Variants in CELF4 observed in about 807,000 individuals in gnomAD.
CELF4 encodes CUG-BP- and ETR-3-like factor 4.
CELF4 carries 18 observed loss-of-function variants against 59.9 expected under a neutral mutation model. That is an observed-to-expected ratio of 0.30 (90% CI 0.21 to 0.45). The LOEUF (loss-of-function observed/expected upper bound fraction) is 0.45, where lower values mean the gene tolerates loss of function less well. Ranked by LOEUF, CELF4 falls within the 20% of genes least tolerant of loss-of-function variation. The probability of loss-of-function intolerance (pLI) is 1.00; values close to 1 mark genes in which losing one functional copy is unlikely to be tolerated. For missense variants in CELF4, 456 were observed against 689.0 expected, an observed-to-expected ratio of 0.66 and a Z score of 3.79; for synonymous variants, 261 against 267.1, an observed-to-expected ratio of 0.98 and a Z score of 0.22.
At chr18:37,336,129 C>A (rs1569565941) in intron 2 of CELF4, among the ~76,000 whole-genome samples, 1 of 152,218 alleles carries the variant, frequency 6.6e-6, no homozygotes, top group Non-Finnish European at 1.5e-5. Flanking sequence ...GTCTGCTGGC[C>A]ACATGCCCCA....
At chr18:37,342,887 C>T (rs570223128) in intron 2 of CELF4, among the ~76,000 whole-genome samples, 10 of 152,326 alleles carry the variant, frequency 6.6e-5, no homozygotes, top group African/African-American at 2.2e-4. Flanking sequence ...GGTGGTGTCC[C>T]CCCCAACCCC....
At chr18:37,427,126 C>T (rs1004528609) in intron 2 of CELF4, among the ~76,000 whole-genome samples, 1 of 152,128 alleles carries the variant, frequency 6.6e-6, no homozygotes, top group African/African-American at 2.4e-5. Context: ...GAAGAAGGCC[C>T]TTGTTCAAAT....
intron 1 of CELF4, among the ~76,000 whole-genome samples, chr18:37,553,106 A>G (rs1568201017): frequency 6.6e-6 from 1 of 152,204 alleles, no homozygotes; most frequent in Non-Finnish European, 1.5e-5. Flanking sequence ...AACAGAATTT[A>G]CTCTAAAATA....
intron 2 of CELF4, among the ~76,000 whole-genome samples, chr18:37,422,843 C>T (rs2099586600): frequency 6.6e-6 from 1 of 152,156 alleles, no homozygotes; most frequent in South Asian, 2.1e-4. Context: ...TGAAGTCATC[C>T]CTCGTCCTAT....
At chr18:37,419,626 T>C (rs569056226) in intron 2 of CELF4, among the ~76,000 whole-genome samples, 69 of 152,096 alleles carry the variant, frequency 4.5e-4, no homozygotes, top group Non-Finnish European at 8.4e-4. Context: ...TCTCCTATGC[T>C]GGTCAGGTGG....
intron 2 of CELF4, among the ~76,000 whole-genome samples, chr18:37,480,198 G>C (rs2099862516): frequency 6.6e-6 from 1 of 152,224 alleles, no homozygotes; most frequent in Admixed American, 6.5e-5. Flanking sequence ...AACTGGAAGA[G>C]TGTGTGGATC....
intron 12 of CELF4, among the ~76,000 whole-genome samples, chr18:37,248,769 G>T (rs1239156720): frequency 6.6e-6 from 1 of 152,098 alleles, no homozygotes; most frequent in Non-Finnish European, 1.5e-5. Context: ...CTGCACCTGG[G>T]CCCCTTTGGG....
At chr18:37,339,549 T>C (rs1055741057) in intron 2 of CELF4, among the ~76,000 whole-genome samples, 16 of 152,012 alleles carry the variant, frequency 1.1e-4, no homozygotes, top group African/African-American at 3.1e-4. Flanking sequence ...TGGTCAGTAG[T>C]TTGAGACCAG....
intron 1 of CELF4, among the ~76,000 whole-genome samples, chr18:37,530,943 G>T (rs1242466572): frequency 6.6e-6 from 1 of 152,056 alleles, no homozygotes; most frequent in East Asian, 1.9e-4. Context: ...TCCAGGTCGT[G>T]GAACCCTGAT....
At chr18:37,263,183 T>C (rs1411116441) in intron 10 of CELF4, among the ~76,000 whole-genome samples, 1 of 152,054 alleles carries the variant, frequency 6.6e-6, no homozygotes, top group Non-Finnish European at 1.5e-5. Context: ...ACACTGAGGC[T>C]GAGGGGATAG....
chr18:37,546,428 A>G (rs2099981441), intron 1 of CELF4, among the ~76,000 whole-genome samples: 1 of 152,164 alleles, frequency 6.6e-6, no homozygotes, highest in Non-Finnish European at 1.5e-5. Context: ...GCAGCTGCAG[A>G]GTAAAAGGCT....
chr18:37,442,854 C>T (rs2099736701), intron 2 of CELF4, among the ~76,000 whole-genome samples: 1 of 152,164 alleles, frequency 6.6e-6, no homozygotes, highest in Non-Finnish European at 1.5e-5. Context: ...CATAATCTCC[C>T]CCTCTCCGTC....
At chr18:37,315,352 G>T (rs77968148) in intron 3 of CELF4, among the ~76,000 whole-genome samples, 32,269 of 151,930 alleles carry the variant, frequency 0.21, 3,460 homozygotes, top group Non-Finnish European at 0.22. Flanking sequence ...AGCCCCTAGG[G>T]AGTCCTCAAG....
chr18:37,329,168 C>A (rs2097441335), intron 2 of CELF4, among the ~76,000 whole-genome samples: 1 of 152,194 alleles, frequency 6.6e-6, no homozygotes, highest in Non-Finnish European at 1.5e-5. Flanking sequence ...GTGGCTTATG[C>A]CTGGAGGGTG....
chr18:37,534,522 C>T (rs759175765), intron 1 of CELF4, among the ~76,000 whole-genome samples: 3 of 152,122 alleles, frequency 2.0e-5, no homozygotes, highest in Non-Finnish European at 4.4e-5. Flanking sequence ...TCCAAGCAGC[C>T]GACTTTCACT....
chr18:37,255,189 T>G (rs975327846), intron 11 of CELF4, among the ~76,000 whole-genome samples: 1 of 152,000 alleles, frequency 6.6e-6, no homozygotes, highest in African/African-American at 2.4e-5. Context: ...AAATGGCCAT[T>G]AGGTATAAGA....
chr18:37,291,666 T>C (rs1038493949), intron 3 of CELF4, among the ~76,000 whole-genome samples: 1 of 152,162 alleles, frequency 6.6e-6, no homozygotes, highest in Admixed American at 6.5e-5. Context: ...TTTTGATTTG[T>C]AGAATCCTTT....
In CELF4 at chr18:37,406,080, G is replaced by A. The variant is rs111734173; in HGVS notation, c.369+79445C>T. 1.2e-3 allele frequency among the ~76,000 whole-genome samples: 178 copies of A among 152,192 alleles called. 1 individual carries two copies. The highest frequency in any genetic ancestry group is 4.0e-3 in the African/African-American group (167 of 41,512). On this transcript the variant is annotated intron_variant, in intron 2 of 12. Coordinates refer to ENST00000420428, the MANE Select transcript of CELF4 (RefSeq NM_020180.4). ...CACAGAAGATAGAAGACGCAGGTTC[G>A]CTGGAGAAACTGCCTCGCTGAGTTG...
intron 4 of CELF4, 89 bp downstream of exon 4, chr18:37,275,026 G>A (rs922481083): frequency 3.9e-6 from 6 of 1,549,748 alleles, no homozygotes; most frequent in Non-Finnish European, 5.3e-6. Context: ...GACAGACGGC[G>A]ATGGCCCCGG....
Sources: gnomAD v4.1 joint callset for allele counts (sites outside exome capture counted in the v4.1 genomes callset) on GRCh38, gnomAD v4.1.1 for gene constraint, MANE v1.5 for transcripts, NCBI Gene and HGNC (gene_info 2026-07-23, HGNC 2026-07-21) for gene names.